The following TMEM74 variants were observed in gnomAD, a reference collection of about 807,000 sequenced individuals.
TMEM74 encodes transmembrane protein 74.
Under a neutral mutation model 18.1 loss-of-function variants are expected in TMEM74, and 13 were observed. The ratio of observed to expected loss-of-function variants is 0.72; its 90% confidence interval spans 0.47 to 1.14. The LOEUF is 1.14. TMEM74 is among the 50% of genes most tolerant of loss of function. The pLI, the probability that TMEM74 is intolerant of heterozygous loss-of-function variation, is 0.00. For missense variants in TMEM74, 372 were observed against 375.9 expected, an observed-to-expected ratio of 0.99 and a Z score of 0.09; for synonymous variants, 159 against 146.6, an observed-to-expected ratio of 1.08 and a Z score of -0.61.
At chr8:108,711,928 T>G (rs1044797223) in intron 1 of TMEM74, among the ~76,000 whole-genome samples, 12 of 152,142 alleles carry the variant, frequency 7.9e-5, no homozygotes, top group African/African-American at 2.9e-4. Context: ...GAGTTGCATA[T>G]CTATATCTAT....
intron 1 of TMEM74, among the ~76,000 whole-genome samples, chr8:108,754,547 G>A (rs1813936411): frequency 6.6e-6 from 1 of 151,830 alleles, no homozygotes; most frequent in Non-Finnish European, 1.5e-5. Flanking sequence ...TGCCTTGCTA[G>A]CAGACTATTC....
intron 1 of TMEM74, among the ~76,000 whole-genome samples, chr8:108,696,708 C>T (rs1034453969): frequency 6.6e-6 from 1 of 152,166 alleles, no homozygotes; most frequent in Non-Finnish European, 1.5e-5. Context: ...CCCTGCTCTC[C>T]AAAGATGTTA....
chr8:108,642,726 TG>T, intron 2 of TMEM74, among the ~76,000 whole-genome samples: 1 of 152,276 alleles, frequency 6.6e-6, no homozygotes, highest in Middle Eastern at 3.4e-3. Flanking sequence ...AAATATTTAG[TG>T]AATGAATGAA....
At chr8:108,722,007 G>T (rs1813590711) in intron 1 of TMEM74, among the ~76,000 whole-genome samples, 1 of 152,098 alleles carries the variant, frequency 6.6e-6, no homozygotes, top group Non-Finnish European at 1.5e-5. Context: ...TCATGATTTT[G>T]GTGTTGAACA....
At chr8:108,732,824 G>C (rs1427494948) in intron 1 of TMEM74, among the ~76,000 whole-genome samples, 1 of 150,690 alleles carries the variant, frequency 6.6e-6, no homozygotes, top group Non-Finnish European at 1.5e-5. Context: ...CTCACACCTA[G>C]AATACATAAG....
chr8:108,663,635 T>C (rs1329000103), intron 1 of TMEM74, among the ~76,000 whole-genome samples: 1 of 152,152 alleles, frequency 6.6e-6, no homozygotes, highest in African/African-American at 2.4e-5. Context: ...ATATAAATCA[T>C]TCTATTATAA....
intron 1 of TMEM74, among the ~76,000 whole-genome samples, chr8:108,764,722 A>ACTG (rs1245896934): frequency 6.6e-6 from 1 of 152,082 alleles, no homozygotes; most frequent in Non-Finnish European, 1.5e-5. Context: ...ATGAGCTTGA[A>ACTG]CTGCTATTCA....
chr8:108,753,888 G>A (rs1813928781), intron 1 of TMEM74, among the ~76,000 whole-genome samples: 1 of 151,942 alleles, frequency 6.6e-6, no homozygotes, highest in Admixed American at 6.6e-5. Flanking sequence ...CCCTTCTACT[G>A]ATGTTATTAG....
chr8:108,662,809 C>A (rs73306201), intron 1 of TMEM74, among the ~76,000 whole-genome samples: 388 of 152,176 alleles, frequency 2.5e-3, no homozygotes, highest in African/African-American at 8.5e-3. Flanking sequence ...CATCACCTGG[C>A]CTGGGAAGTC....
intron 1 of TMEM74, among the ~76,000 whole-genome samples, chr8:108,733,993 C>A (rs998907977): frequency 1.3e-5 from 2 of 152,142 alleles, no homozygotes; most frequent in Admixed American, 1.3e-4. Flanking sequence ...TAGGTGTCAA[C>A]CTGACTGGAT....
At chr8:108,657,877 T>TATATATATATATAAAATAC (rs1812857629) in intron 1 of TMEM74, among the ~76,000 whole-genome samples, 1 of 70,906 alleles carries the variant, frequency 1.4e-5, no homozygotes, top group African/African-American at 6.1e-5. Context: ...TATATATATA[T>TATATATATATATAAAATAC]ATATATATAT....
At chr8:108,717,410 A>G (rs1448715788) in intron 1 of TMEM74, among the ~76,000 whole-genome samples, 1 of 152,190 alleles carries the variant, frequency 6.6e-6, no homozygotes, top group African/African-American at 2.4e-5. Flanking sequence ...AACATCTACC[A>G]TATGGAAGTT....
At chr8:108,652,134 A>G (rs1026675476) in intron 2 of TMEM74, among the ~76,000 whole-genome samples, 5 of 152,194 alleles carry the variant, frequency 3.3e-5, no homozygotes, top group African/African-American at 1.2e-4. Context: ...AACTCTTTCA[A>G]TTTCACAACA....
chr8:108,707,953 G>A (rs1424172483), intron 1 of TMEM74, among the ~76,000 whole-genome samples: 2 of 152,170 alleles, frequency 1.3e-5, no homozygotes, highest in Non-Finnish European at 2.9e-5. Context: ...CATCGGTTTT[G>A]ATGTACAGAT....
chr8:108,640,775 C>A (rs1259310117), intron 2 of TMEM74, among the ~76,000 whole-genome samples: 1 of 152,046 alleles, frequency 6.6e-6, no homozygotes, highest in Non-Finnish European at 1.5e-5. Context: ...GGGATAATGA[C>A]CCCTGACTTT....
intron 1 of TMEM74, among the ~76,000 whole-genome samples, chr8:108,728,014 G>A (rs1813655831): frequency 6.6e-6 from 1 of 152,230 alleles, no homozygotes; most frequent in African/African-American, 2.4e-5. Context: ...GCAATGCAGA[G>A]TCACTAGGAA....
chr8:108,781,315 A>G lies in TMEM74; in HGVS notation c.*2866T>C, dbSNP rs577242498. Reference sequence around the variant, plus strand: ...CAAAACTATAGGTATTGTATGCCCAATGTCTATAGAATGCATCACCTGGTC... The same window carrying G: ...CAAAACTATAGGTATTGTATGCCCAGTGTCTATAGAATGCATCACCTGGTC... On this transcript the variant is annotated 3_prime_UTR_variant, in exon 2 of 2. Transcript: ENST00000297459. 4.6e-5 allele frequency among the ~76,000 whole-genome samples: 7 copies of G among 152,336 alleles called. No individual in the cohort carries two copies. The South Asian group carries it at 1.0e-3, about 23-fold the overall frequency.
At position 108,785,035 on chromosome 8, in the gene TMEM74, T is replaced by C; in HGVS notation, c.64A>G (p.Ser22Gly). The C allele has an allele frequency of 1.2e-6, 2 of 1,613,948 alleles. No individual in the cohort carries two copies. Among genetic ancestry groups the C allele is most frequent in the Non-Finnish European group, 1.7e-6 (2 of 1,179,958 alleles). The change falls in exon 2 of 2, where the codon AGT becomes GGT. Residue 22 changes from serine to glycine, a missense_variant. Physicochemically the swap from Ser to Gly is moderately conservative, Grantham distance 56. Coordinates refer to ENST00000297459, the MANE Select transcript of TMEM74 (RefSeq NM_153015.3). ...QADLCDARDW[S>G]SRGLPGDQAD... is the part of the protein sequence containing the mutation. ...TGGTCACCAGGCAGCCCTCTTGAAC[T>C]CCAGTCCCTGGCATCACAGAGGTCT...
intron 2 of TMEM74, among the ~76,000 whole-genome samples, chr8:108,609,776 A>C (rs1365384368): frequency 6.6e-6 from 1 of 152,242 alleles, no homozygotes. Context: ...TGTGAGGGTC[A>C]AAATAAACCT....
Sources: gnomAD v4.1 joint callset for allele counts (sites outside exome capture counted in the v4.1 genomes callset) on GRCh38, gnomAD v4.1.1 for gene constraint, MANE v1.5 for transcripts, NCBI Gene and HGNC (gene_info 2026-07-23, HGNC 2026-07-21) for gene names.